RTTN: variants seen among roughly 807,000 people sequenced by gnomAD.
RTTN encodes the protein rotatin.
In RTTN, 182 loss-of-function variants were observed where a neutral mutation model predicts 269.2. The observed-to-expected ratio is 0.68, with a 90% CI of 0.60 to 0.76. The LOEUF (loss-of-function observed/expected upper bound fraction) is 0.76, where lower values mean the gene tolerates loss of function less well. Among genes scored for constraint, RTTN ranks in the 30% least tolerant of loss-of-function variants. RTTN has a pLI of 0.00. For missense variants in RTTN, 2,545 were observed against 2,608.6 expected (o/e 0.98, Z 0.53); for synonymous variants, 1,006 against 963.5 (o/e 1.04, Z -0.82).
intron 18 of RTTN, among the ~76,000 whole-genome samples, chr18:70,143,525 T>G (rs140172289): frequency 0.019 from 2,950 of 152,146 alleles, 95 homozygotes; most frequent in African/African-American, 0.066. Flanking sequence ...TGTTCTCACT[T>G]ATAAGCAGGA....
intron 32 of RTTN, among the ~76,000 whole-genome samples, chr18:70,080,587 A>G (rs2145125328): frequency 6.6e-6 from 1 of 152,326 alleles, no homozygotes; most frequent in Admixed American, 6.5e-5. Flanking sequence ...AGGAAGAATG[A>G]AAAGTTCTTC....
intron 35 of RTTN, among the ~76,000 whole-genome samples, chr18:70,063,927 A>G (rs1374485939): frequency 6.8e-6 from 1 of 146,306 alleles, no homozygotes; most frequent in East Asian, 2.0e-4. Context: ...TCCTCTGTTC[A>G]TGCCTCCCCT....
At chr18:70,061,841 A>G (rs922646062) in intron 35 of RTTN, among the ~76,000 whole-genome samples, 4 of 152,160 alleles carry the variant, frequency 2.6e-5, no homozygotes, top group Non-Finnish European at 5.9e-5. Context: ...CTCTTAAAAA[A>G]CAAAATAATT....
chr18:70,059,332 A>T (rs2057909855), intron 36 of RTTN, among the ~76,000 whole-genome samples: 1 of 152,222 alleles, frequency 6.6e-6, no homozygotes, highest in South Asian at 2.1e-4. Context: ...AGACTGATTA[A>T]TATCAAATAA....
intron 28 of RTTN, among the ~76,000 whole-genome samples, chr18:70,107,141 G>A (rs1208690810): frequency 2.0e-5 from 3 of 152,226 alleles, no homozygotes; most frequent in South Asian, 2.1e-4. Context: ...CTGTTGCGGA[G>A]AAGCCCATGC....
At chr18:70,182,145 C>G (rs914240311) in intron 10 of RTTN, among the ~76,000 whole-genome samples, 11 of 152,058 alleles carry the variant, frequency 7.2e-5, no homozygotes, top group East Asian at 5.8e-4. Flanking sequence ...TAAAGAAAAA[C>G]CAAGATTCAG....
At position 70,028,805 on chromosome 18, in the gene RTTN, T is replaced by G. The variant is rs979130124; in HGVS notation, c.5746-4A>C. 5.6e-6 allele frequency: 9 copies of G among 1,605,738 alleles called. No individual in the cohort carries two copies. In the Admixed American group the frequency reaches 1.0e-4, roughly 18 times the overall value. On this transcript the variant is annotated splice_polypyrimidine_tract_variant and splice_region_variant and intron_variant, in intron 42 of 48. Coordinates refer to ENST00000640769, the MANE Select transcript of RTTN (RefSeq NM_173630.4). ...ACTCTTTAATAACACCATCCTCCTA[T>G]TTAAACAAAAAGCAGTTGAAAACTG...
intron 23 of RTTN, 30 bp downstream of exon 23, chr18:70,134,443 T>C: frequency 6.7e-7 from 1 of 1,502,290 alleles, no homozygotes; most frequent in Non-Finnish European, 9.2e-7. Context: ...ATTTCGTCCT[T>C]CAAGAAAATC....
chr18:70,125,042 T>C (rs2059830085), intron 25 of RTTN, among the ~76,000 whole-genome samples: 1 of 152,054 alleles, frequency 6.6e-6, no homozygotes, highest in Non-Finnish European at 1.5e-5. Context: ...GATATTAGAT[T>C]ATAATTGTAT....
rs1192679075 is a variant in RTTN at position 70,134,655 on chromosome 18, T to C, written c.2886-114A>G. On this transcript the variant is annotated intron_variant, in intron 22 of 48. Coordinates refer to ENST00000640769, the MANE Select transcript of RTTN (RefSeq NM_173630.4). ...TGCAAATGAAATCAAGCAGTGCAAC[T>C]GAGTCTATCATTTAGTATAGAAACA... 4.6e-6 allele frequency: 3 copies of C among 658,010 alleles called. No homozygotes were observed. In the Admixed American group the frequency reaches 9.2e-5, roughly 20 times the overall value. 40.8% of individuals were successfully genotyped at this position (658,010 alleles called of 1,614,324 possible). A position where few individuals can be genotyped will look rare whatever the true frequency, so the allele number is the denominator to read the frequency against.
At chr18:70,017,771 C>A (rs7244421) in intron 45 of RTTN, 97 bp from the exon 46 acceptor site, 2 of 858,088 alleles carry the variant, frequency 2.3e-6, no homozygotes, top group Non-Finnish European at 3.6e-6. Context: ...GATATACTCT[C>A]CCTCTACATT....
intron 14 of RTTN, among the ~76,000 whole-genome samples, chr18:70,152,670 G>A (rs1484072887): frequency 6.6e-6 from 1 of 151,970 alleles, no homozygotes; most frequent in African/African-American, 2.4e-5. Flanking sequence ...ATTCATCCTT[G>A]ATCACTCTCT....
chr18:70,172,430 C>A (rs2061166867), intron 11 of RTTN, among the ~76,000 whole-genome samples: 1 of 152,100 alleles, frequency 6.6e-6, no homozygotes, highest in South Asian at 2.1e-4. Context: ...AGACAGAGGG[C>A]AGCATAACCT....
intron 34 of RTTN, among the ~76,000 whole-genome samples, chr18:70,072,646 AT>A (rs1203003828): frequency 6.6e-6 from 1 of 152,160 alleles, no homozygotes; most frequent in African/African-American, 2.4e-5. Flanking sequence ...AGCAATTATT[AT>A]TTACTGAGTA....
At chr18:70,059,466 T>G (rs1366131237) in intron 36 of RTTN, among the ~76,000 whole-genome samples, 1 of 152,208 alleles carries the variant, frequency 6.6e-6, no homozygotes, top group Non-Finnish European at 1.5e-5. Context: ...CCAATAATTT[T>G]TCAACCCAGG....
chr18:70,165,222 G>C (rs1268405675), intron 14 of RTTN, among the ~76,000 whole-genome samples: 1 of 151,862 alleles, frequency 6.6e-6, no homozygotes, highest in Non-Finnish European at 1.5e-5. Flanking sequence ...CAGTTAAGGT[G>C]AATGAACTAG....
intron 40 of RTTN, among the ~76,000 whole-genome samples, chr18:70,035,567 A>G (rs285223): frequency 1.3e-5 from 2 of 152,228 alleles, no homozygotes; most frequent in African/African-American, 2.4e-5. Flanking sequence ...CTGAAGATGG[A>G]TTAAAGACTT....
rs556993315 is a variant in RTTN, at chr18:70,034,518, C to A, written c.5542-3537G>T. ...ATCTTTTCATATTAAAAACTCCTAA[C>A]AAATTAGGTATTGAAGTAACATATA... On this transcript the variant is annotated intron_variant, in intron 40 of 48. Transcript: ENST00000640769. Among the ~76,000 whole-genome samples the A allele has an allele frequency of 5.4e-4, 82 of 152,288 alleles. 1 individual carries two copies. Among genetic ancestry groups the A allele is most frequent in the African/African-American group, 1.9e-3 (80 of 41,564 alleles).
At chr18:70,055,882 T>C (rs76338274) in intron 37 of RTTN, among the ~76,000 whole-genome samples, 1 of 152,250 alleles carries the variant, frequency 6.6e-6, no homozygotes, top group East Asian at 1.9e-4. Flanking sequence ...CATCATACCT[T>C]TAGCAGAGTA....
Sources: gnomAD v4.1 joint callset for allele counts (sites outside exome capture counted in the v4.1 genomes callset) on GRCh38, gnomAD v4.1.1 for gene constraint, MANE v1.5 for transcripts, NCBI Gene and HGNC (gene_info 2026-07-23, HGNC 2026-07-21) for gene names.